Variants in PAX2 observed in about 807,000 individuals in gnomAD.
The protein encoded by PAX2 is paired box 2.
Under a neutral mutation model 41.7 loss-of-function variants are expected in PAX2, and 9 were observed. That is an observed-to-expected ratio of 0.22 (90% CI 0.13 to 0.38). The LOEUF (loss-of-function observed/expected upper bound fraction) is 0.38. Among genes scored for constraint, PAX2 ranks in the 10% least tolerant of loss-of-function variants. The pLI is 1.00. For missense variants in PAX2, 418 were observed against 531.6 expected, an observed-to-expected ratio of 0.79 and a Z score of 2.10; for synonymous variants, 221 against 212.7, an observed-to-expected ratio of 1.04 and a Z score of -0.34.
chr10:100,752,114 A>G (rs1044690505), intron 3 of PAX2, among the ~76,000 whole-genome samples: 2 of 152,210 alleles, frequency 1.3e-5, no homozygotes, highest in Non-Finnish European at 2.9e-5. Flanking sequence ...GCTAAAGAAG[A>G]TTCCCTCTGC....
At chr10:100,821,007 G>A (rs116360388) in intron 7 of PAX2, among the ~76,000 whole-genome samples, 2,138 of 152,276 alleles carry the variant, frequency 0.014, 56 homozygotes, top group African/African-American at 0.048. Context: ...GAGTCTGTCT[G>A]CACTCATGTT....
intron 6 of PAX2, 93 bp downstream of exon 6, chr10:100,806,698 C>T (rs1847795494): frequency 4.7e-6 from 5 of 1,055,214 alleles, no homozygotes; most frequent in African/African-American, 3.1e-5. Flanking sequence ...CATGCATAGC[C>T]AGCATTGTAT....
chr10:100,757,488 G>T (rs1179724885), intron 3 of PAX2, among the ~76,000 whole-genome samples: 1 of 152,252 alleles, frequency 6.6e-6, no homozygotes, highest in Non-Finnish European at 1.5e-5. Context: ...CACAAGAGCT[G>T]TGCGACCAGC....
At chr10:100,799,499 G>T (rs1847463682) in intron 5 of PAX2, among the ~76,000 whole-genome samples, 2 of 152,228 alleles carry the variant, frequency 1.3e-5, no homozygotes, top group South Asian at 4.1e-4. Context: ...CTCAGTAAAT[G>T]ATGATGGGTC....
At chr10:100,735,668 C>A in exon 1 of PAX2, 2 of 1,059,650 alleles carry the variant, frequency 1.9e-6, no homozygotes, top group South Asian at 8.9e-5. Flanking sequence ...GCGGGACAGC[C>A]AGACCCAGCC....
At chr10:100,781,979 A>AGAG (rs1241028548) in intron 5 of PAX2, among the ~76,000 whole-genome samples, 1 of 152,114 alleles carries the variant, frequency 6.6e-6, no homozygotes, top group Non-Finnish European at 1.5e-5. Flanking sequence ...GGGGGAAGGA[A>AGAG]GAGGAGGAGG....
intron 7 of PAX2, among the ~76,000 whole-genome samples, chr10:100,822,044 CAGG>C (rs1848393664): frequency 6.6e-6 from 1 of 152,258 alleles, no homozygotes; most frequent in East Asian, 1.9e-4. Context: ...GAGAGACAGT[CAGG>C]AGGAGTGTAG....
intron 5 of PAX2, among the ~76,000 whole-genome samples, chr10:100,798,104 C>CTTTTTTT (rs11314855): frequency 1.2e-5 from 1 of 86,536 alleles, no homozygotes; most frequent in African/African-American, 4.3e-5. Flanking sequence ...ATGTCCACCT[C>CTTTTTTT]TTTTTTTTTT....
At chr10:100,772,638 G>T (rs1446135099) in intron 3 of PAX2, among the ~76,000 whole-genome samples, 1 of 152,016 alleles carries the variant, frequency 6.6e-6, no homozygotes, top group Non-Finnish European at 1.5e-5. Flanking sequence ...CCCATACCAG[G>T]GATTAAATAT....
At position 100,806,509 on chromosome 10, in the gene PAX2, C is replaced by G; in HGVS notation, c.696C>G (p.Thr232=). ...DSLRKHLRAD[T]FTQQQLEALD... is the part of the protein sequence containing the mutation. ...TGCGGAAGCACTTGCGAGCTGACACCTTCACCCAGCAGCAGCTGGAAGCTT... is the reference window on the plus strand; with the variant it reads ...TGCGGAAGCACTTGCGAGCTGACACGTTCACCCAGCAGCAGCTGGAAGCTT... Residue 232 remains threonine (T), a synonymous_variant, in exon 6 of 10, where the codon ACC becomes ACG. Transcript: ENST00000355243. 2 of 1,614,240 alleles carry G rather than the reference C, an allele frequency of 1.2e-6. No individual in the cohort carries two copies. Among genetic ancestry groups the G allele is most frequent in the Non-Finnish European group, 1.7e-6 (2 of 1,180,034 alleles).
chr10:100,788,204 C>A (rs1337526044), intron 5 of PAX2, among the ~76,000 whole-genome samples: 1 of 152,222 alleles, frequency 6.6e-6, no homozygotes, highest in Admixed American at 6.5e-5. Context: ...TGAGATTGCT[C>A]CCCCTGCTTC....
chr10:100,811,311 G>A (rs1444233226), intron 7 of PAX2, among the ~76,000 whole-genome samples: 1 of 152,234 alleles, frequency 6.6e-6, no homozygotes, highest in African/African-American at 2.4e-5. Flanking sequence ...TTGATTTTAT[G>A]TCCTCCTAAT....
intron 7 of PAX2, among the ~76,000 whole-genome samples, chr10:100,820,597 T>C (rs1334315167): frequency 1.3e-5 from 2 of 152,132 alleles, no homozygotes; most frequent in African/African-American, 4.8e-5. Flanking sequence ...CACACAACTA[T>C]AGTCCCAGCT....
In PAX2 at chr10:100,758,356, G is replaced by A. The variant is rs567578365; in HGVS notation, c.410+7465G>A. Among the ~76,000 whole-genome samples, 7 of 152,218 alleles carry A rather than the reference G, an allele frequency of 4.6e-5. 1 individual carries two copies. In the East Asian group the frequency reaches 1.2e-3, roughly 25 times the overall value. ...GGGGTTTCACCATGTTAGCCGGGAT[G>A]GTCTCGATCTCCTGACCTCGTGATC... On this transcript the variant is annotated intron_variant, in intron 3 of 9. Transcript: ENST00000355243.
At chr10:100,811,301 T>C (rs1830257443) in intron 7 of PAX2, among the ~76,000 whole-genome samples, 1 of 152,274 alleles carries the variant, frequency 6.6e-6, no homozygotes, top group Non-Finnish European at 1.5e-5. Flanking sequence ...TTGATCTTTG[T>C]TGATTTTATG....
chr10:100,809,326 C>A lies in PAX2; in HGVS notation c.919+90C>A, dbSNP rs941269292. ...CTGAGGCCCAGTGTGAGGAGCAGGT[C>A]CCCCACCGTGATATTTACAGAGAGA... On this transcript the variant is annotated intron_variant, in intron 7 of 9. Coordinates refer to ENST00000355243, the MANE Select transcript of PAX2 (RefSeq NM_000278.5). The A allele has an allele frequency of 7.1e-5, 88 of 1,236,056 alleles. No individual in the cohort carries two copies. The African/African-American group carries it at 1.2e-3, about 17-fold the overall frequency. The allele number at this position is 1,236,056 out of a possible 1,614,324, so 76.6% of individuals were successfully genotyped here.
intron 7 of PAX2, among the ~76,000 whole-genome samples, chr10:100,810,526 C>G (rs1847955802): frequency 6.6e-6 from 1 of 152,210 alleles, no homozygotes; most frequent in Non-Finnish European, 1.5e-5. Context: ...CCAAATGGCC[C>G]TCAGCATGAG....
intron 1 of PAX2, among the ~76,000 whole-genome samples, chr10:100,740,132 T>A (rs1339898688): frequency 6.6e-6 from 1 of 152,226 alleles, no homozygotes; most frequent in African/African-American, 2.4e-5. Flanking sequence ...GAACCAACTT[T>A]CTTTGTTTGG....
At chr10:100,759,775 G>A (rs889773271) in intron 3 of PAX2, among the ~76,000 whole-genome samples, 24 of 152,166 alleles carry the variant, frequency 1.6e-4, no homozygotes, top group Admixed American at 8.5e-4. Context: ...TGGGAGAGAG[G>A]GGAGCAGGCA....
Sources: gnomAD v4.1 joint callset for allele counts (sites outside exome capture counted in the v4.1 genomes callset) on GRCh38, gnomAD v4.1.1 for gene constraint, MANE v1.5 for transcripts, NCBI Gene and HGNC (gene_info 2026-07-23, HGNC 2026-07-21) for gene names.